Variants in CYRIA observed in about 807,000 individuals in gnomAD.
CYRIA encodes the protein CYFIP related Rac1 interactor A, also known as CYFIP-related Rac1 interactor A.
Under a neutral mutation model 43.9 loss-of-function variants are expected in CYRIA, and 15 were observed. The observed-to-expected ratio is 0.34, with a 90% confidence interval of 0.23 to 0.53. The LOEUF is 0.53. Among genes scored for constraint, CYRIA ranks in the 20% least tolerant of loss-of-function variants. The probability of loss-of-function intolerance (pLI) is 0.94; values close to 1 mark genes in which losing one functional copy is unlikely to be tolerated. For synonymous variants in CYRIA, 117 were observed against 136.0 expected, an observed-to-expected ratio of 0.86 and a Z score of 0.97; for missense variants, 236 against 394.2, an observed-to-expected ratio of 0.60 and a Z score of 3.40.
chr2:16,645,629 A>G (rs1439370708), intron 1 of CYRIA, among the ~76,000 whole-genome samples: 1 of 152,214 alleles, frequency 6.6e-6, no homozygotes, highest in Non-Finnish European at 1.5e-5. Context: ...CTCTAATATA[A>G]GGTGGAAAGC....
At chr2:16,600,479 G>A (rs1668166079) in intron 2 of CYRIA, among the ~76,000 whole-genome samples, 1 of 152,106 alleles carries the variant, frequency 6.6e-6, no homozygotes, top group African/African-American at 2.4e-5. Context: ...CTTACAGGTG[G>A]GGTATGCACT....
chr2:16,625,468 A>G (rs2103513115), intron 1 of CYRIA, among the ~76,000 whole-genome samples: 1 of 152,328 alleles, frequency 6.6e-6, no homozygotes, highest in African/African-American at 2.4e-5. Flanking sequence ...CAACTCTGAA[A>G]TGTCCTTGGC....
At chr2:16,568,442 T>C (rs1667024388) in intron 3 of CYRIA, among the ~76,000 whole-genome samples, 1 of 152,156 alleles carries the variant, frequency 6.6e-6, no homozygotes, top group Non-Finnish European at 1.5e-5. Context: ...CTCAAAGTGA[T>C]GCAAGTGTCT....
At chr2:16,626,691 G>C (rs377521850) in intron 1 of CYRIA, among the ~76,000 whole-genome samples, 2 of 152,170 alleles carry the variant, frequency 1.3e-5, no homozygotes, top group Middle Eastern at 3.2e-3. Context: ...AGAGAGCAAG[G>C]GGGGAAAGAA....
At chr2:16,562,683 A>G (rs986740233) in intron 5 of CYRIA, among the ~76,000 whole-genome samples, 10 of 152,158 alleles carry the variant, frequency 6.6e-5, no homozygotes. Context: ...CTGTTTCTCT[A>G]AACAGTCCCT....
In CYRIA at chr2:16,649,981, T is replaced by G. The variant is rs770478157; in HGVS notation, c.-167+15799A>C. Among the ~76,000 whole-genome samples the G allele has an allele frequency of 2.8e-4, 42 of 152,164 alleles. 1 individual carries two copies. Among genetic ancestry groups the G allele is most frequent in the Non-Finnish European group, 5.9e-4 (40 of 68,024 alleles). Reference sequence around the variant, plus strand: ...TAGAAGTTTCAACAAGAGTCTCAAGTTTCTGCCACCTTGCTCGATCGCTTC... The same window carrying G: ...TAGAAGTTTCAACAAGAGTCTCAAGGTTCTGCCACCTTGCTCGATCGCTTC... On this transcript the variant is annotated intron_variant, in intron 1 of 11. Coordinates refer to ENST00000381323, the MANE Select transcript of CYRIA (RefSeq NM_030797.4).
chr2:16,555,659 A>C (rs1032952034), intron 10 of CYRIA, among the ~76,000 whole-genome samples: 11 of 152,154 alleles, frequency 7.2e-5, no homozygotes, highest in African/African-American at 2.4e-4. Flanking sequence ...ACCTCCTGGA[A>C]TCCTATTCTG....
intron 1 of CYRIA, among the ~76,000 whole-genome samples, chr2:16,633,325 T>C (rs982249777): frequency 2.6e-5 from 4 of 152,270 alleles, no homozygotes; most frequent in Non-Finnish European, 5.9e-5. Flanking sequence ...CAATCCATAC[T>C]GACCTCTCCC....
intron 2 of CYRIA, among the ~76,000 whole-genome samples, chr2:16,601,565 A>T (rs1222571338): frequency 6.6e-6 from 1 of 152,094 alleles, no homozygotes; most frequent in Non-Finnish European, 1.5e-5. Context: ...AAGGGGTGAC[A>T]ATTTTGGATG....
rs1256501110 is a variant in CYRIA at position 16,588,182 on chromosome 2, C to T, written c.-10-53G>A. The T allele has an allele frequency of 2.4e-6, 3 of 1,246,656 alleles. No individual in the cohort carries two copies. In the African/African-American group the frequency reaches 4.6e-5, roughly 19 times the overall value. 77.2% of individuals were successfully genotyped at this position (1,246,656 alleles called of 1,614,324 possible). On this transcript the variant is annotated intron_variant, in intron 2 of 11. Coordinates refer to ENST00000381323, the MANE Select transcript of CYRIA (RefSeq NM_030797.4). ...CCATTAGCAACATAAAAAAAATAGA[C>T]TTGCGTGAATATCCCTGGGCCCCCC...
At chr2:16,627,566 TA>T (rs1669209826) in intron 1 of CYRIA, among the ~76,000 whole-genome samples, 1 of 152,214 alleles carries the variant, frequency 6.6e-6, no homozygotes. Context: ...ACAAAATGAT[TA>T]AGTCACTTGT....
At chr2:16,573,344 C>T (rs931424698) in intron 3 of CYRIA, among the ~76,000 whole-genome samples, 23 of 152,200 alleles carry the variant, frequency 1.5e-4, no homozygotes, top group Non-Finnish European at 7.3e-5. Flanking sequence ...GATTAACCAC[C>T]GGACGACTGA....
intron 3 of CYRIA, among the ~76,000 whole-genome samples, chr2:16,568,817 GCCTTCTAATCT>G (rs1057377885): frequency 1.3e-5 from 2 of 152,116 alleles, no homozygotes; most frequent in Non-Finnish European, 2.9e-5. Flanking sequence ...AGAACAGAAA[GCCTTCTAATCT>G]CAGCGGTCAC....
chr2:16,625,572 C>G (rs1572185793), intron 1 of CYRIA, among the ~76,000 whole-genome samples: 2 of 152,144 alleles, frequency 1.3e-5, no homozygotes, highest in South Asian at 4.1e-4. Context: ...AGGGCAAAGA[C>G]GTTTACTTCC....
intron 2 of CYRIA, among the ~76,000 whole-genome samples, chr2:16,613,039 T>G (rs1668659734): frequency 6.6e-6 from 1 of 152,218 alleles, no homozygotes; most frequent in Non-Finnish European, 1.5e-5. Flanking sequence ...TCTTCCTCCT[T>G]GACTGTGAGG....
chr2:16,609,890 T>C (rs756576607), intron 2 of CYRIA, among the ~76,000 whole-genome samples: 3 of 152,206 alleles, frequency 2.0e-5, no homozygotes, highest in Admixed American at 6.5e-5. Context: ...CTGTGTAGTA[T>C]CCAGAACGGT....
At chr2:16,593,710 G>T (rs796762495) in intron 2 of CYRIA, among the ~76,000 whole-genome samples, 20,830 of 74,816 alleles carry the variant, frequency 0.28, 2,340 homozygotes, top group Admixed American at 0.34. Context: ...TTTTTTTTGT[G>T]TGTGTGTGTT....
At chr2:16,659,128 G>C (rs1172701569) in intron 1 of CYRIA, among the ~76,000 whole-genome samples, 1 of 152,194 alleles carries the variant, frequency 6.6e-6, no homozygotes. Flanking sequence ...ATTTCATTCA[G>C]TTCTAAGGTA....
intron 1 of CYRIA, among the ~76,000 whole-genome samples, chr2:16,631,134 T>C (rs1021770199): frequency 6.6e-6 from 1 of 152,258 alleles, no homozygotes; most frequent in African/African-American, 2.4e-5. Context: ...TATGGAGATA[T>C]ATACCAGCAA....
Sources: gnomAD v4.1 joint callset for allele counts (sites outside exome capture counted in the v4.1 genomes callset) on GRCh38, gnomAD v4.1.1 for gene constraint, MANE v1.5 for transcripts, NCBI Gene and HGNC (gene_info 2026-07-23, HGNC 2026-07-21) for gene names.